The following NAV3 variants were observed in gnomAD, a reference collection of about 807,000 sequenced individuals.
NAV3 encodes the protein pore membrane and/or filament interacting like protein 1.
NAV3 carries 87 observed loss-of-function variants against 244.7 expected under a neutral mutation model. The ratio of observed to expected loss-of-function variants is 0.36; its 90% CI spans 0.30 to 0.42. NAV3 has a LOEUF of 0.42. Ranked by LOEUF, NAV3 falls within the 20% of genes least tolerant of loss-of-function variation. The probability of loss-of-function intolerance (pLI) is 1.00; values close to 1 mark genes in which losing one functional copy is unlikely to be tolerated. For synonymous variants in NAV3, 1,126 were observed against 1,042.2 expected, an observed-to-expected ratio of 1.08 and a Z score of -1.55; for missense variants, 2,663 against 2,893.3, an observed-to-expected ratio of 0.92 and a Z score of 1.83.
At chr12:77,614,807 T>G (rs1871085309) in intron 2 of NAV3, among the ~76,000 whole-genome samples, 1 of 152,202 alleles carries the variant, frequency 6.6e-6, no homozygotes, top group African/African-American at 2.4e-5. Context: ...CAGCGATTGG[T>G]GCATAGTAAG....
chr12:77,887,147 T>C (rs1445528591), intron 1 of NAV3, among the ~76,000 whole-genome samples: 1 of 152,084 alleles, frequency 6.6e-6, no homozygotes, highest in Admixed American at 6.6e-5. Flanking sequence ...AATTCAGTGA[T>C]AGGAGCTGGT....
At chr12:77,758,606 G>A (rs1869309309) in intron 2 of NAV3, among the ~76,000 whole-genome samples, 1 of 152,120 alleles carries the variant, frequency 6.6e-6, no homozygotes, top group Admixed American at 6.5e-5. Context: ...AGTCTAAATA[G>A]CTAGAAATTG....
chr12:77,600,494 A>G (rs779996374), intron 2 of NAV3, among the ~76,000 whole-genome samples: 2 of 151,988 alleles, frequency 1.3e-5, no homozygotes, highest in Non-Finnish European at 2.9e-5. Flanking sequence ...AGATAATTGC[A>G]TATAGGCTGT....
At chr12:77,876,912 G>A (rs539051958) in intron 1 of NAV3, among the ~76,000 whole-genome samples, 3 of 151,934 alleles carry the variant, frequency 2.0e-5, no homozygotes, top group South Asian at 4.2e-4. Context: ...GTGAATTATC[G>A]GTATATATTT....
At chr12:77,723,360 GT>G (rs11346345) in intron 2 of NAV3, among the ~76,000 whole-genome samples, 104,422 of 150,302 alleles carry the variant, frequency 0.69, 38,296 homozygotes, top group East Asian at 0.89. Flanking sequence ...TTATTGAAAA[GT>G]TTTTTTTTTT....
At chr12:77,708,490 G>A (rs1295052816) in intron 2 of NAV3, among the ~76,000 whole-genome samples, 20 of 152,228 alleles carry the variant, frequency 1.3e-4, no homozygotes, top group Middle Eastern at 3.4e-3. Context: ...GTCAGGTAGC[G>A]TGATGCCTCC....
chr12:77,788,141 T>C (rs893745374), intron 2 of NAV3, among the ~76,000 whole-genome samples: 1 of 152,176 alleles, frequency 6.6e-6, no homozygotes, highest in African/African-American at 2.4e-5. Context: ...ATATAAATCA[T>C]CGTCATGGAA....
At chr12:77,900,069 T>G (rs1406581375) in intron 1 of NAV3, among the ~76,000 whole-genome samples, 1 of 150,032 alleles carries the variant, frequency 6.7e-6, no homozygotes. Context: ...AGTGTCATTG[T>G]TCTCAATTTT....
intron 2 of NAV3, among the ~76,000 whole-genome samples, chr12:77,679,833 C>T (rs1244877502): frequency 2.0e-5 from 3 of 152,000 alleles, no homozygotes; most frequent in African/African-American, 7.2e-5. Flanking sequence ...TTAGGAGTGC[C>T]GTATGCCCAT....
chr12:77,796,666 T>C (rs11106713), intron 2 of NAV3, among the ~76,000 whole-genome samples: 2 of 152,278 alleles, frequency 1.3e-5, no homozygotes, highest in East Asian at 3.9e-4. Context: ...GCAAACTTTA[T>C]TGGTATCTTA....
chr12:77,865,152 G>A (rs368679119), intron 1 of NAV3, among the ~76,000 whole-genome samples: 7 of 151,988 alleles, frequency 4.6e-5, no homozygotes, highest in Admixed American at 1.3e-4. Context: ...TGTTTATTAC[G>A]TTAGCTTCAT....
At chr12:78,021,986 A>G (rs1289857777) in intron 9 of NAV3, 124 bp downstream of exon 9, 3 of 443,722 alleles carry the variant, frequency 6.8e-6, no homozygotes, top group Non-Finnish European at 1.2e-5. Context: ...TATACATCTC[A>G]TGCTTCAAAG....
chr12:77,763,782 T>G lies in NAV3; in HGVS notation c.73-176537T>G, dbSNP rs557519767. Reference sequence around the variant, plus strand: ...CATTAAGCTCCTTGGAGCATCTGGTTGACCTCATACTTGGGATAAAGTGTT... The same window carrying G: ...CATTAAGCTCCTTGGAGCATCTGGTGGACCTCATACTTGGGATAAAGTGTT... On this transcript the variant is annotated intron_variant, in intron 2 of 8. Coordinates refer to the NAV3 transcript ENST00000550042. Among the ~76,000 whole-genome samples, 3 of 152,322 alleles carry G rather than the reference T, an allele frequency of 2.0e-5. No homozygotes were observed. The East Asian group carries it at 5.8e-4, about 29-fold the overall frequency.
At chr12:77,876,728 T>C (rs994823550) in intron 1 of NAV3, among the ~76,000 whole-genome samples, 1 of 152,116 alleles carries the variant, frequency 6.6e-6, no homozygotes, top group Non-Finnish European at 1.5e-5. Context: ...TTTTTGAGTC[T>C]TTCAGTTTAC....
intron 1 of NAV3, among the ~76,000 whole-genome samples, chr12:77,843,236 A>C (rs1876000495): frequency 6.6e-6 from 1 of 152,068 alleles, no homozygotes; most frequent in Admixed American, 6.6e-5. Flanking sequence ...GTTTACTATT[A>C]TCTCCAACAA....
chr12:78,203,750 G>A (rs997406573), intron 38 of NAV3, among the ~76,000 whole-genome samples: 2 of 152,054 alleles, frequency 1.3e-5, no homozygotes, highest in East Asian at 3.9e-4. Context: ...GTCAAATGGG[G>A]AGGGAAAGTA....
chr12:78,042,612 G>A (rs1182274851), intron 9 of NAV3, among the ~76,000 whole-genome samples: 2 of 151,580 alleles, frequency 1.3e-5, no homozygotes, highest in South Asian at 4.2e-4. Flanking sequence ...GACCAACATG[G>A]TGAAACCCCA....
At chr12:78,112,231 A>G (rs189271771) in intron 12 of NAV3, among the ~76,000 whole-genome samples, 366 of 152,342 alleles carry the variant, frequency 2.4e-3, no homozygotes, top group Non-Finnish European at 4.1e-3. Context: ...ATTGCTTGCC[A>G]GAAGATTGTT....
chr12:77,772,929 A>G (rs1870167602), intron 2 of NAV3, among the ~76,000 whole-genome samples: 1 of 152,188 alleles, frequency 6.6e-6, no homozygotes, highest in Non-Finnish European at 1.5e-5. Context: ...CTTGTCATGA[A>G]TAACAGATAA....
Sources: gnomAD v4.1 joint callset for allele counts (sites outside exome capture counted in the v4.1 genomes callset) on GRCh38, gnomAD v4.1.1 for gene constraint, MANE v1.5 for transcripts, NCBI Gene and HGNC (gene_info 2026-07-23, HGNC 2026-07-21) for gene names.